Variants in NPSR1 observed in about 807,000 individuals in gnomAD.
The protein encoded by NPSR1 is neuropeptide S receptor 1, also known as neuropeptide S receptor.
Under a neutral mutation model 46.9 loss-of-function variants are expected in NPSR1, and 48 were observed. That is an observed-to-expected ratio of 1.02 (90% confidence interval 0.81 to 1.30). The LOEUF (loss-of-function observed/expected upper bound fraction) is 1.30, where lower values mean the gene tolerates loss of function less well. Among genes scored for constraint, NPSR1 ranks in the 50% most tolerant of loss-of-function variants. The pLI, the probability that NPSR1 is intolerant of heterozygous loss-of-function variation, is 0.00. For synonymous variants in NPSR1, 176 were observed against 168.1 expected (o/e 1.05, Z -0.36); for missense variants, 450 against 449.5 (o/e 1.00, Z -0.01).
chr7:34,835,410 A>G (rs576344935), intron 6 of NPSR1, among the ~76,000 whole-genome samples: 1 of 152,334 alleles, frequency 6.6e-6, no homozygotes, highest in East Asian at 1.9e-4. Context: ...TTCCAGATGT[A>G]CCACTAAGAG....
intron 5 of NPSR1, among the ~76,000 whole-genome samples, chr7:34,828,657 G>T (rs1414280901): frequency 6.6e-6 from 1 of 152,180 alleles, no homozygotes; most frequent in Non-Finnish European, 1.5e-5. Flanking sequence ...ATCAGCCTTT[G>T]TTTTTGATAG....
intron 2 of NPSR1, among the ~76,000 whole-genome samples, chr7:34,708,649 C>T (rs755785467): frequency 1.8e-4 from 27 of 152,310 alleles, no homozygotes; most frequent in African/African-American, 3.1e-4. Context: ...TGGCAGTCAG[C>T]GCCTAGATTC....
intron 5 of NPSR1, among the ~76,000 whole-genome samples, chr7:34,832,342 T>C (rs1790159282): frequency 6.6e-6 from 1 of 152,136 alleles, no homozygotes; most frequent in South Asian, 2.1e-4. Flanking sequence ...AAGACCAGCC[T>C]GGCAGCATGG....
At chr7:34,682,658 CTG>C (rs1792705234) in intron 1 of NPSR1, among the ~76,000 whole-genome samples, 1 of 152,210 alleles carries the variant, frequency 6.6e-6, no homozygotes, top group South Asian at 2.1e-4. Flanking sequence ...GCCTCTCCTG[CTG>C]TGTCTGCTAC....
At chr7:34,713,239 T>C (rs1443294892) in intron 2 of NPSR1, among the ~76,000 whole-genome samples, 1 of 152,204 alleles carries the variant, frequency 6.6e-6, no homozygotes, top group African/African-American at 2.4e-5. Context: ...TTAAATAATT[T>C]AGAAACCAAG....
chr7:34,865,121 G>C (rs1357390851), intron 8 of NPSR1, among the ~76,000 whole-genome samples: 1 of 151,888 alleles, frequency 6.6e-6, no homozygotes, highest in East Asian at 1.9e-4. Flanking sequence ...CCACCAGATG[G>C]AAGAACACTA....
At chr7:34,832,315 C>A (rs1790157708) in intron 5 of NPSR1, among the ~76,000 whole-genome samples, 1 of 152,178 alleles carries the variant, frequency 6.6e-6, no homozygotes, top group African/African-American at 2.4e-5. Context: ...AGGTGGACCT[C>A]TTGGGCCCGG....
chr7:34,867,563 G>C (rs1376892366), intron 8 of NPSR1, among the ~76,000 whole-genome samples: 2 of 151,916 alleles, frequency 1.3e-5, no homozygotes, highest in Non-Finnish European at 2.9e-5. Context: ...ACACATCCAA[G>C]TCCCCGTGAC....
At chr7:34,733,348 G>A (rs1251948826) in intron 2 of NPSR1, among the ~76,000 whole-genome samples, 1 of 151,574 alleles carries the variant, frequency 6.6e-6, no homozygotes, top group African/African-American at 2.4e-5. Context: ...GAACTCGGGA[G>A]GTGGAAGTTG....
At chr7:34,720,953 T>A (rs56106150) in intron 2 of NPSR1, among the ~76,000 whole-genome samples, 7,728 of 151,982 alleles carry the variant, frequency 0.051, 635 homozygotes, top group African/African-American at 0.17. Flanking sequence ...AGGAACAACA[T>A]CTGGAAGGCT....
At position 34,848,595 on chromosome 7, in the gene NPSR1, A is replaced by G; in HGVS notation, c.957A>G (p.Pro319=). ...CCTCTGTGATCATTCAGAACCTGCC[A>G]GCATTGAATAGTGCCATCAACCCCC... is the stretch of plus-strand genomic sequence containing the variant. ...FYASVIIQNL[P]ALNSAINPLI... Residue 319 remains proline (P), a synonymous_variant, in exon 8 of 9, where the codon CCA becomes CCG. Coordinates refer to ENST00000360581, the MANE Select transcript of NPSR1 (RefSeq NM_207172.2). 1.9e-6 allele frequency: 3 copies of G among 1,614,234 alleles called. No homozygotes were observed. Among genetic ancestry groups the G allele is most frequent in the Non-Finnish European group, 2.5e-6 (3 of 1,180,036 alleles).
chr7:34,843,958 T>G (rs1217298848), intron 6 of NPSR1, among the ~76,000 whole-genome samples: 1 of 152,198 alleles, frequency 6.6e-6, no homozygotes, highest in Non-Finnish European at 1.5e-5. Context: ...CTCTTCATAT[T>G]TCCCTCACTG....
intron 8 of NPSR1, among the ~76,000 whole-genome samples, chr7:34,860,390 TA>T (rs1451392929): frequency 6.6e-6 from 1 of 151,878 alleles, no homozygotes; most frequent in Non-Finnish European, 1.5e-5. Flanking sequence ...TGTTAAAAAT[TA>T]AAACTGAAAA....
At chr7:34,690,463 A>G (rs1199150731) in intron 2 of NPSR1, among the ~76,000 whole-genome samples, 2 of 152,162 alleles carry the variant, frequency 1.3e-5, no homozygotes, top group African/African-American at 4.8e-5. Context: ...AAAAAGCTCA[A>G]TGAGATCCAA....
intron 3 of NPSR1, among the ~76,000 whole-genome samples, chr7:34,807,726 T>C (rs1032725047): frequency 6.6e-6 from 1 of 152,220 alleles, no homozygotes; most frequent in Non-Finnish European, 1.5e-5. Context: ...CTTAAGTCAT[T>C]CACATGTATT....
chr7:34,673,244 A>C (rs1043432206), intron 1 of NPSR1, among the ~76,000 whole-genome samples: 1 of 152,128 alleles, frequency 6.6e-6, no homozygotes, highest in African/African-American at 2.4e-5. Flanking sequence ...TGCCTCCACC[A>C]TCAGACTATA....
At chr7:34,844,827 C>A (rs17170021) in intron 6 of NPSR1, 69 bp from the exon 7 acceptor site, 19,293 of 970,104 alleles carry the variant, frequency 0.02, 453 homozygotes, top group African/African-American at 0.1. Flanking sequence ...TTTAATGTTC[C>A]TATTGGCTGA....
At chr7:34,847,089 T>C (rs1790763890) in intron 7 of NPSR1, among the ~76,000 whole-genome samples, 1 of 152,162 alleles carries the variant, frequency 6.6e-6, no homozygotes, top group African/African-American at 2.4e-5. Context: ...CTTAGTGGGT[T>C]TTGTGTTTGA....
At chr7:34,713,326 G>A (rs1376930143) in intron 2 of NPSR1, among the ~76,000 whole-genome samples, 8 of 152,276 alleles carry the variant, frequency 5.3e-5, no homozygotes, top group Non-Finnish European at 1.2e-4. Flanking sequence ...GCACAGTCCT[G>A]TGATGTAGGA....
Sources: gnomAD v4.1 joint callset for allele counts (sites outside exome capture counted in the v4.1 genomes callset) on GRCh38, gnomAD v4.1.1 for gene constraint, MANE v1.5 for transcripts, NCBI Gene and HGNC (gene_info 2026-07-23, HGNC 2026-07-21) for gene names.